Variants in RAB3GAP2 observed in about 807,000 individuals in gnomAD.
RAB3GAP2 encodes the protein RAB3 GTPase activating non-catalytic protein subunit 2, also known as rab3 GTPase-activating protein non-catalytic subunit.
In RAB3GAP2, 87 loss-of-function variants were observed where a neutral mutation model predicts 185.3. That is an observed-to-expected ratio of 0.47 (90% CI 0.39 to 0.56). The LOEUF (loss-of-function observed/expected upper bound fraction) is 0.56, where lower values mean the gene tolerates loss of function less well. Ranked by LOEUF, RAB3GAP2 falls within the 20% of genes least tolerant of loss-of-function variation. The pLI is 0.00. For synonymous variants in RAB3GAP2, 554 were observed against 576.1 expected, an observed-to-expected ratio of 0.96 and a Z score of 0.55; for missense variants, 1,492 against 1,638.2, an observed-to-expected ratio of 0.91 and a Z score of 1.54.
intron 1 of RAB3GAP2, among the ~76,000 whole-genome samples, chr1:220,240,490 A>T (rs1158848304): frequency 6.6e-6 from 1 of 152,146 alleles, no homozygotes; most frequent in Non-Finnish European, 1.5e-5. Flanking sequence ...AGAAAATCAA[A>T]GATTGCATTA....
intron 1 of RAB3GAP2, among the ~76,000 whole-genome samples, chr1:220,242,957 G>T (rs1659723148): frequency 6.6e-6 from 1 of 152,052 alleles, no homozygotes; most frequent in South Asian, 2.1e-4. Context: ...CCCAATGACA[G>T]AAAATACACT....
intron 1 of RAB3GAP2, among the ~76,000 whole-genome samples, chr1:220,264,452 A>G (rs1033002544): frequency 6.6e-6 from 1 of 152,062 alleles, no homozygotes; most frequent in Admixed American, 6.5e-5. Context: ...CGTGTCAGAG[A>G]TAAAGTGGGA....
intron 1 of RAB3GAP2, chr1:220,267,962 A>G (rs1213692216): frequency 3.3e-6 from 2 of 606,828 alleles, no homozygotes; most frequent in African/African-American, 3.7e-5. Flanking sequence ...GCTCAGCCCA[A>G]TAAAAGCACT....
chr1:220,255,425 T>A (rs1298520710), intron 1 of RAB3GAP2, among the ~76,000 whole-genome samples: 1 of 151,872 alleles, frequency 6.6e-6, no homozygotes, highest in Non-Finnish European at 1.5e-5. Flanking sequence ...CAGGCTGAGG[T>A]GGAGATGGCT....
Position 220,153,317 on chromosome 1 carries a change from A to G in RAB3GAP2, c.3735T>C (p.Pro1245=). 1 of 1,614,222 alleles carries G rather than the reference A, an allele frequency of 6.2e-7. No homozygotes were observed. Among genetic ancestry groups the G allele is most frequent in the Non-Finnish European group, 8.5e-7 (1 of 1,180,028 alleles). Reference sequence around the variant, plus strand: ...CTGGCCAATCTTGGTCTTTCCCAAAAGGAGTGGGTGTGGCCTCTTCTGTGG... The same window carrying G: ...CTGGCCAATCTTGGTCTTTCCCAAAGGGAGTGGGTGTGGCCTCTTCTGTGG... ...KDPTEEATPT[P]FGKDQDWPAL... Residue 1245 remains proline, a synonymous_variant, in exon 33 of 35, where the codon CCT becomes CCC. Transcript: ENST00000358951.
rs199566034 is a variant in RAB3GAP2, at chr1:220,185,442, C to T, written c.1870+209G>A. Among the ~76,000 whole-genome samples, 4 of 152,156 alleles carry T rather than the reference C, an allele frequency of 2.6e-5. No individual in the cohort carries two copies. The East Asian group carries it at 5.8e-4, about 22-fold the overall frequency. On this transcript the variant is annotated intron_variant, in intron 18 of 34. Coordinates refer to ENST00000358951, the MANE Select transcript of RAB3GAP2 (RefSeq NM_012414.4). ...TTCCTCACAATTAAAAACAACTTCC[C>T]AATAACAGTCAATACATTCAAAGAC...
Position 220,195,010 on chromosome 1 carries a change from C to T in RAB3GAP2, c.1130+68G>A, listed in dbSNP as rs1243606231. ...AAGATCAGCAAATCAACCAAGCACA[C>T]GGAAAGACCATACATTTAACAGTAC... On this transcript the variant is annotated intron_variant, in intron 12 of 34. Transcript: ENST00000358951. 5.8e-5 allele frequency: 84 copies of T among 1,448,446 alleles called. 1 individual carries two copies. The highest frequency in any genetic ancestry group is 5.6e-4 in the South Asian group (49 of 87,536). The allele number at this position is 1,448,446 out of a possible 1,614,324, so 89.7% of individuals were successfully genotyped here. A position where few individuals can be genotyped will look rare whatever the true frequency, so the allele number is the denominator to read the frequency against.
At chr1:220,237,324 T>C (rs537981430) in intron 1 of RAB3GAP2, among the ~76,000 whole-genome samples, 2 of 152,226 alleles carry the variant, frequency 1.3e-5, no homozygotes, top group Non-Finnish European at 2.9e-5. Context: ...ATTAAATAAG[T>C]AGCAACCACC....
chr1:220,242,600 T>C (rs1376582700), intron 1 of RAB3GAP2, among the ~76,000 whole-genome samples: 1 of 151,712 alleles, frequency 6.6e-6, no homozygotes, highest in African/African-American at 2.4e-5. Flanking sequence ...CATAACTTAA[T>C]CAACCTTCTA....
intron 2 of RAB3GAP2, among the ~76,000 whole-genome samples, chr1:220,224,091 G>T (rs191579675): frequency 6.6e-6 from 1 of 151,628 alleles, no homozygotes; most frequent in Admixed American, 6.6e-5. Flanking sequence ...CATTTATTGA[G>T]CACTTACTAT....
chr1:220,257,440 C>T (rs1350461348), intron 1 of RAB3GAP2, among the ~76,000 whole-genome samples: 1 of 151,700 alleles, frequency 6.6e-6, no homozygotes, highest in Non-Finnish European at 1.5e-5. Flanking sequence ...ACCACACAAC[C>T]AGAAGCAAAT....
chr1:220,155,698 A>C (rs1340087756), intron 31 of RAB3GAP2, among the ~76,000 whole-genome samples: 1 of 152,156 alleles, frequency 6.6e-6, no homozygotes, highest in Non-Finnish European at 1.5e-5. Flanking sequence ...GATTGTTTTC[A>C]CTAGCCACTC....
In RAB3GAP2 at chr1:220,267,550, A is replaced by G. The variant is rs1327149637; in HGVS notation, c.115+4673T>C. On this transcript the variant is annotated intron_variant, in intron 1 of 34. Coordinates refer to ENST00000358951, the MANE Select transcript of RAB3GAP2 (RefSeq NM_012414.4). The stretch of plus-strand genomic sequence containing the variant: ...TTCCAAAGCCCATTGCCTCTTTTTG[A>G]TTCTTCATTTTTCTGTTTTGATGCC... The G allele has an allele frequency of 6.0e-6, 8 of 1,333,752 alleles. No homozygotes were observed. In the Admixed American group the frequency reaches 1.2e-4, roughly 20 times the overall value. 82.6% of individuals were successfully genotyped at this position (1,333,752 alleles called of 1,614,324 possible).
chr1:220,210,932 A>G (rs1659074639), intron 5 of RAB3GAP2, 23 bp downstream of exon 5: 2 of 1,613,898 alleles, frequency 1.2e-6, no homozygotes, highest in Admixed American at 1.7e-5. Flanking sequence ...CAAAGAAAAC[A>G]GATGACTCTT....
At chr1:220,258,254 A>G (rs1475033579) in intron 1 of RAB3GAP2, among the ~76,000 whole-genome samples, 1 of 152,186 alleles carries the variant, frequency 6.6e-6, no homozygotes, top group African/African-American at 2.4e-5. Context: ...CATCATCTTG[A>G]TACCAAAACC....
intron 24 of RAB3GAP2, among the ~76,000 whole-genome samples, chr1:220,170,574 G>C (rs2102858668): frequency 6.6e-6 from 1 of 152,132 alleles, no homozygotes; most frequent in Non-Finnish European, 1.5e-5. Context: ...TCTGTGTTTT[G>C]GTTGAAGTAT....
intron 20 of RAB3GAP2, 114 bp downstream of exon 20, chr1:220,182,604 T>C (rs1195184738): frequency 8.3e-7 from 1 of 1,200,682 alleles, no homozygotes; most frequent in Non-Finnish European, 1.1e-6. Context: ...GTACATTAAA[T>C]CCTTTCATTA....
chr1:220,221,148 T>C (rs1190294272), intron 2 of RAB3GAP2, among the ~76,000 whole-genome samples: 3 of 152,228 alleles, frequency 2.0e-5, no homozygotes, highest in Non-Finnish European at 4.4e-5. Flanking sequence ...TTTCTTAGAA[T>C]AGAAAATTAT....
chr1:220,180,887 G>A (rs1658391398), intron 21 of RAB3GAP2, among the ~76,000 whole-genome samples: 1 of 151,998 alleles, frequency 6.6e-6, no homozygotes, highest in South Asian at 2.1e-4. Flanking sequence ...TTGGCCCTCT[G>A]TATCCATGCA....
Sources: gnomAD v4.1 joint callset for allele counts (sites outside exome capture counted in the v4.1 genomes callset) on GRCh38, gnomAD v4.1.1 for gene constraint, MANE v1.5 for transcripts, NCBI Gene and HGNC (gene_info 2026-07-23, HGNC 2026-07-21) for gene names.